The following LNX1 variants were observed in gnomAD, a reference collection of about 807,000 sequenced individuals.
LNX1 encodes the protein ligand of numb-protein X 1.
Under a neutral mutation model 68.4 loss-of-function variants are expected in LNX1, and 54 were observed. That is an observed-to-expected ratio of 0.79 (90% confidence interval 0.63 to 0.99). The LOEUF is 0.99. Among genes scored for constraint, LNX1 ranks in the 50% least tolerant of loss-of-function variants. The pLI, the probability that LNX1 is intolerant of heterozygous loss-of-function variation, is 0.00. For missense variants in LNX1, 906 were observed against 926.4 expected, an observed-to-expected ratio of 0.98 and a Z score of 0.29; for synonymous variants, 336 against 350.0, an observed-to-expected ratio of 0.96 and a Z score of 0.45.
rs531783513 is a variant in LNX1 at position 53,558,048 on chromosome 4, C to G, written c.380+15575G>C. ...AACCAGCCAAGCTCCTTTAAGCAAA[C>G]CTTGCCATGCCCCCACAATCAGTAG... On this transcript the variant is annotated intron_variant, in intron 2 of 10. Coordinates refer to ENST00000263925, the MANE Select transcript of LNX1 (RefSeq NM_001126328.3). 5.7e-6 allele frequency: 9 copies of G among 1,578,252 alleles called. No individual in the cohort carries two copies. The East Asian group carries it at 1.1e-4, about 20-fold the overall frequency.
intron 2 of LNX1, among the ~76,000 whole-genome samples, chr4:53,566,913 G>C (rs1451547659): frequency 6.6e-6 from 1 of 152,102 alleles, no homozygotes; most frequent in Non-Finnish European, 1.5e-5. Flanking sequence ...ATTACATAAT[G>C]GTAAAGGGAT....
At chr4:53,633,381 A>G (rs1202294519) in intron 1 of LNX1, among the ~76,000 whole-genome samples, 2 of 152,002 alleles carry the variant, frequency 1.3e-5, no homozygotes, top group African/African-American at 2.4e-5. Context: ...TCCTTTTTAT[A>G]TCTTCCTCAT....
In LNX1 at chr4:53,632,422, T is replaced by C. The variant is rs76027543; in HGVS notation, c.-215+19746A>G. ...TCTCAGACACCTGCCTTCTGCTAAATAGCTGCTCCCTTGAGATGTTACCCC... is the reference window on the plus strand; with the variant it reads ...TCTCAGACACCTGCCTTCTGCTAAACAGCTGCTCCCTTGAGATGTTACCCC... On this transcript the variant is annotated intron_variant, in intron 1 of 2. Transcript: ENST00000507168. Among the ~76,000 whole-genome samples the C allele has an allele frequency of 7.0e-3, 1,060 of 152,290 alleles. 12 individuals are homozygous for C. The highest frequency in any genetic ancestry group is 0.024 in the African/African-American group (994 of 41,558).
At chr4:53,592,127 T>C (rs1256860646), upstream of LNX1, among the ~76,000 whole-genome samples, 2 of 152,082 alleles carry the variant, frequency 1.3e-5, no homozygotes, top group Admixed American at 1.3e-4. Flanking sequence ...TTCAGGAATT[T>C]GCAAAACTTC....
At chr4:53,567,447 T>A (rs1360980269) in intron 2 of LNX1, among the ~76,000 whole-genome samples, 1 of 151,892 alleles carries the variant, frequency 6.6e-6, no homozygotes, top group African/African-American at 2.4e-5. Flanking sequence ...TTGAAACCAA[T>A]GAGAACAAAG....
intron 1 of LNX1, among the ~76,000 whole-genome samples, chr4:53,577,493 G>A (rs1376430418): frequency 6.6e-6 from 1 of 152,210 alleles, no homozygotes; most frequent in Non-Finnish European, 1.5e-5. Context: ...GCTGTGGAAG[G>A]CATCAGATAC....
intron 4 of LNX1, among the ~76,000 whole-genome samples, chr4:53,506,006 G>C (rs1384311730): frequency 6.6e-6 from 1 of 152,200 alleles, no homozygotes; most frequent in Non-Finnish European, 1.5e-5. Context: ...AGGCAATCAT[G>C]AATAAGTATA....
chr4:53,615,065 T>C (rs1733635642), intron 2 of LNX1, among the ~76,000 whole-genome samples: 1 of 151,986 alleles, frequency 6.6e-6, no homozygotes, highest in South Asian at 2.1e-4. Context: ...ATGCTTCAAA[T>C]GAATTAATTG....
intron 6 of LNX1, among the ~76,000 whole-genome samples, chr4:53,495,296 A>T (rs1423598766): frequency 2.6e-5 from 4 of 152,222 alleles, no homozygotes; most frequent in Non-Finnish European, 5.9e-5. Flanking sequence ...AAATTTCAAC[A>T]GTGACCCTGA....
At chr4:53,608,618 A>G (rs1376231960) in intron 2 of LNX1, among the ~76,000 whole-genome samples, 2 of 152,192 alleles carry the variant, frequency 1.3e-5, no homozygotes, top group East Asian at 1.9e-4. Flanking sequence ...TTGGGTATAT[A>G]CCAGAAGGAA....
chr4:53,483,751 G>A (rs1724104294), intron 6 of LNX1, among the ~76,000 whole-genome samples: 1 of 152,228 alleles, frequency 6.6e-6, no homozygotes, highest in South Asian at 2.1e-4. Flanking sequence ...TGACCTGCCA[G>A]CTTTCTTCCT....
intron 9 of LNX1, among the ~76,000 whole-genome samples, chr4:53,473,296 G>C (rs1723358432): frequency 6.6e-6 from 1 of 152,052 alleles, no homozygotes; most frequent in Admixed American, 6.6e-5. Flanking sequence ...TGGCTGCAAA[G>C]GAACAGAAAT....
chr4:53,499,001 C>T (rs1725280509), intron 4 of LNX1, among the ~76,000 whole-genome samples, 158 bp from the exon 5 acceptor site: 1 of 152,146 alleles, frequency 6.6e-6, no homozygotes. Flanking sequence ...AGTTTCTCTG[C>T]TTGGAATGTT....
Position 53,496,000 on chromosome 4 carries a change from TCCTGGAATGA to T in LNX1, c.1350+13_1350+22del. The T allele has an allele frequency of 6.3e-7, 1 of 1,596,692 alleles. No individual in the cohort carries two copies. The highest frequency in any genetic ancestry group is 8.5e-7 in the Non-Finnish European group (1 of 1,169,602). ...TCATGTCCGGGGTTTCTGACTGGGA[TCCTGGAATGA>T]CCTCTGACTCACCTGAATCAGATGA... On this transcript the variant is annotated intron_variant, in intron 6 of 10. Transcript: ENST00000263925.
At chr4:53,603,216 G>A (rs1332902922) in intron 2 of LNX1, among the ~76,000 whole-genome samples, 1 of 152,226 alleles carries the variant, frequency 6.6e-6, no homozygotes, top group Non-Finnish European at 1.5e-5. Flanking sequence ...CAGGGTGGTT[G>A]CAGGGCTTCC....
chr4:53,461,145 T>TTTAA (rs1722017522), intron 10 of LNX1, 103 bp from the exon 11 acceptor site: 3 of 915,014 alleles, frequency 3.3e-6, no homozygotes, highest in African/African-American at 3.4e-5. Context: ...ATCTGACCAT[T>TTTAA]TTAATTATGT....
chr4:53,485,846 A>C (rs1724255780), intron 6 of LNX1, among the ~76,000 whole-genome samples: 1 of 152,182 alleles, frequency 6.6e-6, no homozygotes. Context: ...AAAATGGCAG[A>C]AACTTGTTTA....
At chr4:53,480,189 AAT>A (rs1465339335) in intron 7 of LNX1, among the ~76,000 whole-genome samples, 9 of 152,334 alleles carry the variant, frequency 5.9e-5, no homozygotes, top group African/African-American at 1.4e-4. Context: ...AGTTTTTTTA[AAT>A]ATGTTACTTT....
At chr4:53,494,071 G>C (rs2109461312) in intron 6 of LNX1, among the ~76,000 whole-genome samples, 1 of 152,264 alleles carries the variant, frequency 6.6e-6, no homozygotes, top group East Asian at 1.9e-4. Context: ...GATATGGTTT[G>C]GCTGTGTCCC....
Sources: gnomAD v4.1 joint callset for allele counts (sites outside exome capture counted in the v4.1 genomes callset) on GRCh38, gnomAD v4.1.1 for gene constraint, MANE v1.5 for transcripts, NCBI Gene and HGNC (gene_info 2026-07-23, HGNC 2026-07-21) for gene names.